CSMD1: variants seen among roughly 807,000 people sequenced by gnomAD.
CSMD1 encodes the protein CUB and sushi domain-containing protein 1.
A neutral mutation model predicts 417.5 loss-of-function variants in CSMD1; 213 were observed. The observed-to-expected ratio is 0.51, with a 90% CI of 0.46 to 0.57. CSMD1 has a LOEUF of 0.57. Among genes scored for constraint, CSMD1 ranks in the 20% least tolerant of loss-of-function variants. The pLI, the probability that CSMD1 is intolerant of heterozygous loss-of-function variation, is 0.00. For synonymous variants in CSMD1, 2,862 were observed against 1,736.8 expected (o/e 1.65, Z -16.11); for missense variants, 6,923 against 4,529.7 (o/e 1.53, Z -15.17).
At chr8:4,457,979 G>C (rs1391411321) in intron 2 of CSMD1, among the ~76,000 whole-genome samples, 2 of 152,112 alleles carry the variant, frequency 1.3e-5, no homozygotes, top group East Asian at 1.9e-4. Flanking sequence ...TCTTTGGTTG[G>C]TGGCACTTCC....
intron 1 of CSMD1, among the ~76,000 whole-genome samples, chr8:4,780,936 C>T (rs994273775): frequency 6.6e-6 from 1 of 152,196 alleles, no homozygotes; most frequent in African/African-American, 2.4e-5. Context: ...AAGCATAAGT[C>T]TTTATAAGGC....
Position 2,955,745 on chromosome 8 carries a change from T to A in CSMD1, c.9838A>T (p.Thr3280Ser). Residue 3280 changes from threonine to serine, a missense_variant, in exon 64 of 70, where the codon ACC becomes TCC. Thr to Ser is a moderately conservative substitution (Grantham distance 58). Coordinates refer to ENST00000635120, the MANE Select transcript of CSMD1 (RefSeq NM_033225.6). ...GCTCTCACATCCGCGTGTGCCGGGG[T>A]TTCTGGCTGTCTGCAGGCATGAGCT... The part of the protein sequence containing the change: ...CIPHACRQPE[T>S]PAHADVRAID... The A allele has an allele frequency of 6.2e-7, 1 of 1,613,324 alleles. No homozygotes were observed. Among genetic ancestry groups the A allele is most frequent in the African/African-American group, 1.3e-5 (1 of 74,858 alleles).
chr8:4,133,935 G>A (rs28483208), intron 3 of CSMD1, among the ~76,000 whole-genome samples: 47,834 of 151,924 alleles, frequency 0.31, 7,895 homozygotes, highest in Middle Eastern at 0.44. Context: ...AAATCTTGAT[G>A]TTTTCTTTTT....
intron 3 of CSMD1, among the ~76,000 whole-genome samples, chr8:4,038,516 C>T (rs1434100617): frequency 2.0e-5 from 3 of 152,122 alleles, no homozygotes; most frequent in African/African-American, 7.2e-5. Context: ...GTCATTTCTG[C>T]CAATTTCATT....
intron 1 of CSMD1, among the ~76,000 whole-genome samples, chr8:4,644,982 AGT>A (rs1208708958): frequency 1.3e-5 from 2 of 152,206 alleles, no homozygotes; most frequent in African/African-American, 4.8e-5. Context: ...CAGGGAAAGC[AGT>A]GGTACTTGAA....
intron 1 of CSMD1, among the ~76,000 whole-genome samples, chr8:4,861,021 T>G (rs549956064): frequency 6.6e-6 from 1 of 152,124 alleles, no homozygotes; most frequent in Non-Finnish European, 1.5e-5. Context: ...ATATTCTAGG[T>G]GCTTATTTAT....
intron 2 of CSMD1, among the ~76,000 whole-genome samples, chr8:4,431,007 G>C (rs1797840528): frequency 6.6e-6 from 1 of 152,018 alleles, no homozygotes; most frequent in Admixed American, 6.6e-5. Flanking sequence ...CTTTTCTCTG[G>C]AAAGACTTCG....
chr8:3,118,574 C>T lies in CSMD1; in HGVS notation c.6255G>A (p.Gln2085=). The part of the protein sequence containing the change: ...FKLAYQAYEL[Q]NCPDPPPFQN... Reference sequence around the variant, plus strand: ...GAAATGGGGGTGGATCTGGACAGTTCTGTAATTCATAGGCTGAAAGAAACA... The same window carrying T: ...GAAATGGGGGTGGATCTGGACAGTTTTGTAATTCATAGGCTGAAAGAAACA... Residue 2085 remains glutamine (Q), a synonymous_variant, in exon 42 of 70, where the codon CAG becomes CAA. Coordinates refer to ENST00000635120, the MANE Select transcript of CSMD1 (RefSeq NM_033225.6). 6.2e-7 allele frequency: 1 copy of T among 1,611,766 alleles called. No individual in the cohort carries two copies.
At chr8:4,682,162 G>T (rs1584939227) in intron 1 of CSMD1, among the ~76,000 whole-genome samples, 1 of 152,052 alleles carries the variant, frequency 6.6e-6, no homozygotes, top group Non-Finnish European at 1.5e-5. Context: ...GGATAACTGG[G>T]ACTACAGGCA....
At chr8:3,591,246 T>G in intron 8 of CSMD1, among the ~76,000 whole-genome samples, 1 of 152,180 alleles carries the variant, frequency 6.6e-6, no homozygotes, top group Non-Finnish European at 1.5e-5. Context: ...ACTTTTCAAT[T>G]AAATACAACA....
chr8:4,292,124 C>G (rs922008779), intron 3 of CSMD1, among the ~76,000 whole-genome samples: 4 of 152,078 alleles, frequency 2.6e-5, no homozygotes, highest in African/African-American at 9.7e-5. Flanking sequence ...CCTGGCCATA[C>G]CAACAACAAA....
chr8:3,556,967 C>T (rs1014098013), intron 10 of CSMD1, among the ~76,000 whole-genome samples: 1 of 152,146 alleles, frequency 6.6e-6, no homozygotes, highest in Non-Finnish European at 1.5e-5. Context: ...ACTGCTAAGT[C>T]AAGCAGAACC....
At chr8:4,355,625 C>G (rs543732371) in intron 3 of CSMD1, among the ~76,000 whole-genome samples, 2 of 152,250 alleles carry the variant, frequency 1.3e-5, no homozygotes, top group East Asian at 3.9e-4. Flanking sequence ...TTAAATATTG[C>G]TTACAGAAAT....
At chr8:4,517,118 T>C (rs1803168003) in intron 2 of CSMD1, among the ~76,000 whole-genome samples, 1 of 152,210 alleles carries the variant, frequency 6.6e-6, no homozygotes, top group Non-Finnish European at 1.5e-5. Context: ...AGAAGACTGC[T>C]TAAATGAAAT....
intron 5 of CSMD1, among the ~76,000 whole-genome samples, chr8:3,849,355 G>T (rs990375120): frequency 2.0e-5 from 3 of 152,068 alleles, no homozygotes; most frequent in Non-Finnish European, 4.4e-5. Context: ...GGAGAGAGGT[G>T]GGGTCCACTA....
At chr8:4,102,491 G>A (rs1801356727) in intron 3 of CSMD1, among the ~76,000 whole-genome samples, 1 of 152,280 alleles carries the variant, frequency 6.6e-6, no homozygotes, top group South Asian at 2.1e-4. Flanking sequence ...CACTTGAGGG[G>A]CAGAATTCTT....
chr8:3,544,583 C>T (rs73658181), intron 10 of CSMD1, among the ~76,000 whole-genome samples: 1,613 of 152,142 alleles, frequency 0.011, 26 homozygotes, highest in African/African-American at 0.037. Flanking sequence ...CTCTTAGGGT[C>T]TGGATTGGGA....
At chr8:4,608,156 C>T (rs942500793) in intron 2 of CSMD1, among the ~76,000 whole-genome samples, 1 of 152,050 alleles carries the variant, frequency 6.6e-6, no homozygotes, top group Admixed American at 6.5e-5. Flanking sequence ...TTAGAGGGGA[C>T]CCTAGGAGTC....
At chr8:4,211,830 A>G (rs1800329877) in intron 3 of CSMD1, among the ~76,000 whole-genome samples, 1 of 152,206 alleles carries the variant, frequency 6.6e-6, no homozygotes, top group South Asian at 2.1e-4. Flanking sequence ...TTTCAGTAGG[A>G]GTCTTTGAGG....
Sources: gnomAD v4.1 joint callset for allele counts (sites outside exome capture counted in the v4.1 genomes callset) on GRCh38, gnomAD v4.1.1 for gene constraint, MANE v1.5 for transcripts, NCBI Gene and HGNC (gene_info 2026-07-23, HGNC 2026-07-21) for gene names.